The following PDE8B variants were observed in gnomAD, a reference collection of about 807,000 sequenced individuals.
The protein encoded by PDE8B is high affinity cAMP-specific and IBMX-insensitive 3',5'-cyclic phosphodiesterase 8B.
In PDE8B, 26 loss-of-function variants were observed where a neutral mutation model predicts 101.3. The observed-to-expected ratio is 0.26, with a 90% CI of 0.19 to 0.36. The LOEUF (loss-of-function observed/expected upper bound fraction) is 0.36, where lower values mean the gene tolerates loss of function less well. Among genes scored for constraint, PDE8B ranks in the 10% least tolerant of loss-of-function variants. The pLI, the probability that PDE8B is intolerant of heterozygous loss-of-function variation, is 1.00. For synonymous variants in PDE8B, 424 were observed against 429.3 expected, an observed-to-expected ratio of 0.99 and a Z score of 0.15; for missense variants, 810 against 1,163.1, an observed-to-expected ratio of 0.70 and a Z score of 4.42.
chr5:77,182,735 A>G, the PDE8B span, among the ~76,000 whole-genome samples: 1 of 151,022 alleles, frequency 6.6e-6, no homozygotes, highest in Non-Finnish European at 1.5e-5. Context: ...TAATTGCCAG[A>G]GCTTATTGAG....
chr5:77,146,267 G>A, the PDE8B span: 1 of 152,178 alleles, frequency 6.6e-6, no homozygotes, highest in Non-Finnish European at 1.5e-5. Context: ...GTGTGTGAGA[G>A]GGACACAAAT....
intron 1 of PDE8B, among the ~76,000 whole-genome samples, chr5:77,264,846 C>T (rs1389641602): frequency 1.3e-5 from 2 of 151,990 alleles, no homozygotes; most frequent in African/African-American, 2.4e-5. Context: ...AAAATAACTA[C>T]CCAGGTGAAC....
At chr5:77,366,686 G>A (rs958663230) in intron 10 of PDE8B, among the ~76,000 whole-genome samples, 4 of 152,174 alleles carry the variant, frequency 2.6e-5, no homozygotes, top group Non-Finnish European at 4.4e-5. Context: ...AGGCCAGAGC[G>A]GGGCCTATGT....
chr5:77,129,572 C>T, the PDE8B span, among the ~76,000 whole-genome samples: 1 of 152,294 alleles, frequency 6.6e-6, no homozygotes, highest in East Asian at 1.9e-4. Flanking sequence ...GGGCCGGGGC[C>T]AGGCATGAGG....
At chr5:77,204,050 G>GT in the PDE8B span, among the ~76,000 whole-genome samples, 23,367 of 113,492 alleles carry the variant, frequency 0.21, 4,135 homozygotes, top group East Asian at 0.84. Context: ...TGTACCCTTA[G>GT]TTTTTTTTTT....
chr5:77,210,955 G>T lies in PDE8B; in HGVS notation c.30G>T (p.Ser10=). 1.3e-6 allele frequency: 2 copies of T among 1,520,260 alleles called. No homozygotes were observed. The highest frequency in any genetic ancestry group is 1.7e-6 in the Non-Finnish European group (2 of 1,143,228). The allele number at this position is 1,520,260 out of a possible 1,614,324, so 94.2% of individuals were successfully genotyped here. MGCAPSIHV[S]QSGVIYCRDS... ...GCTGCGCCCCCAGCATCCATGTCTC[G>T]CAGAGCGGCGTGATCTACTGCCGGG... The change falls in exon 1 of 22, where the codon TCG becomes TCT. Residue 10 remains serine (S), a synonymous_variant. Transcript: ENST00000264917. The surrounding 1 kb of genome is among the most constrained non-coding windows in gnomAD (Gnocchi z 4.9).
At chr5:77,147,180 C>A in the PDE8B span, 1 of 334,372 alleles carries the variant, frequency 3.0e-6, no homozygotes, top group Non-Finnish European at 6.1e-6. Flanking sequence ...GGTTCTAGCA[C>A]AGTTTTTTTT....
intron 6 of PDE8B, among the ~76,000 whole-genome samples, chr5:77,338,720 G>A (rs1778628550): frequency 6.6e-6 from 1 of 152,144 alleles, no homozygotes; most frequent in Non-Finnish European, 1.5e-5. Flanking sequence ...AAAAGACTTA[G>A]TACTTTTATT....
chr5:77,426,123 GTC>G (rs1383691123), intron 21 of PDE8B: 1 of 607,782 alleles, frequency 1.6e-6, no homozygotes, highest in Non-Finnish European at 2.9e-6. Context: ...GGATAAACGA[GTC>G]TCTGCCTCTT....
intron 7 of PDE8B, among the ~76,000 whole-genome samples, chr5:77,347,075 A>G (rs1780276687): frequency 6.6e-6 from 1 of 152,074 alleles, no homozygotes; most frequent in Non-Finnish European, 1.5e-5. Context: ...CCACCCATCC[A>G]TTCCTCCCTC....
At chr5:77,102,539 C>G in the PDE8B span, among the ~76,000 whole-genome samples, 2 of 152,154 alleles carry the variant, frequency 1.3e-5, no homozygotes, top group African/African-American at 4.8e-5. Flanking sequence ...AGGGCAGGAG[C>G]TAGGAAGCGT....
At position 77,309,630 on chromosome 5, in the gene PDE8B, CT is replaced by C. The variant is rs993509739; in HGVS notation, c.340-2353del. 1.3e-3 allele frequency among the ~76,000 whole-genome samples: 198 copies of C among 147,370 alleles called. 1 individual carries two copies. The highest frequency in any genetic ancestry group is 6.9e-3 in the Middle Eastern group (2 of 288). Reference sequence around the variant, plus strand: ...CTTAGTATATACTAAATTGGTTTCACTTTTTTTTTTTCAGAGTCTCACTCTG... The same window carrying C: ...CTTAGTATATACTAAATTGGTTTCACTTTTTTTTTTCAGAGTCTCACTCTG... On this transcript the variant is annotated intron_variant, in intron 1 of 21. Transcript: ENST00000264917.
At chr5:77,098,128 A>C in the PDE8B span, among the ~76,000 whole-genome samples, 2 of 152,062 alleles carry the variant, frequency 1.3e-5, no homozygotes, top group African/African-American at 4.8e-5. Flanking sequence ...ACGTATGTCA[A>C]AATAAAGAGG....
intron 1 of PDE8B, among the ~76,000 whole-genome samples, chr5:77,297,992 G>A (rs1027039962): frequency 9.2e-5 from 14 of 152,076 alleles, no homozygotes; most frequent in African/African-American, 3.4e-4. Flanking sequence ...TCAGACTGTG[G>A]GCTTTTTGAA....
chr5:77,292,271 T>G (rs1004458845), intron 1 of PDE8B, among the ~76,000 whole-genome samples: 2 of 152,158 alleles, frequency 1.3e-5, no homozygotes, highest in African/African-American at 4.8e-5. Flanking sequence ...TTGGCATCTG[T>G]CTCCTAGGTT....
chr5:77,101,397 T>C, the PDE8B span, among the ~76,000 whole-genome samples: 1 of 152,202 alleles, frequency 6.6e-6, no homozygotes, highest in Admixed American at 6.5e-5. Flanking sequence ...ATCAGCATGC[T>C]GTTGCTTTTG....
the PDE8B span, among the ~76,000 whole-genome samples, chr5:77,143,378 G>A: frequency 1.3e-4 from 20 of 152,300 alleles, no homozygotes; most frequent in Middle Eastern, 3.4e-3. Context: ...TACAAAGAAA[G>A]TTTTGAAATG....
chr5:77,410,602 T>C (rs1282982287), intron 14 of PDE8B: 1 of 152,178 alleles, frequency 6.6e-6, no homozygotes, highest in Non-Finnish European at 1.5e-5. Flanking sequence ...TTATGTGGTT[T>C]TGGGGAAGCG....
chr5:77,381,311 C>T (rs570948569), intron 10 of PDE8B, among the ~76,000 whole-genome samples: 4 of 152,162 alleles, frequency 2.6e-5, no homozygotes, highest in Non-Finnish European at 5.9e-5. Flanking sequence ...TAGAGAGACG[C>T]AAGTGACTTT....
Sources: allele counts gnomAD v4.1 joint callset (sites outside exome capture counted in the v4.1 genomes callset), GRCh38; gene constraint gnomAD v4.1.1; non-coding constraint Gnocchi (gnomAD v3.1); transcripts MANE v1.5; gene names NCBI Gene and HGNC (gene_info 2026-07-23, HGNC 2026-07-21).